Variants in ADAMTS17 observed in about 807,000 individuals in gnomAD.
The protein encoded by ADAMTS17 is A disintegrin and metalloproteinase with thrombospondin motifs 17.
In ADAMTS17, 113 loss-of-function variants were observed where a neutral mutation model predicts 141.5. That is an observed-to-expected ratio of 0.80 (90% CI 0.69 to 0.93). The LOEUF (loss-of-function observed/expected upper bound fraction) is 0.93, where lower values mean the gene tolerates loss of function less well. Among genes scored for constraint, ADAMTS17 ranks in the 40% least tolerant of loss-of-function variants. ADAMTS17 has a pLI of 0.00. For synonymous variants in ADAMTS17, 768 were observed against 630.6 expected, an observed-to-expected ratio of 1.22 and a Z score of -3.27; for missense variants, 1,659 against 1,517.9, an observed-to-expected ratio of 1.09 and a Z score of -1.54.
chr15:100,087,715 T>A (rs910307702), intron 15 of ADAMTS17, among the ~76,000 whole-genome samples: 3 of 152,144 alleles, frequency 2.0e-5, no homozygotes, highest in Non-Finnish European at 2.9e-5. Flanking sequence ...ATCCAGCATA[T>A]AAACAGAACC....
At chr15:100,156,444 G>A (rs966610040) in intron 8 of ADAMTS17, among the ~76,000 whole-genome samples, 7 of 152,174 alleles carry the variant, frequency 4.6e-5, no homozygotes, top group Non-Finnish European at 7.3e-5. Flanking sequence ...GTCCTTTGGA[G>A]GATCCGCTGC....
rs1471382669 is a variant in ADAMTS17, at chr15:99,996,084, C to T, written c.2796+1301G>A. On this transcript the variant is annotated intron_variant, in intron 19 of 21. Coordinates refer to ENST00000268070, the MANE Select transcript of ADAMTS17 (RefSeq NM_139057.4). ...TTTTTTTTTTTTTGAGACAGAGTTT[C>T]GCTCTTGTTGCCCAGGCTGAAGTGC... Among the ~76,000 whole-genome samples the T allele has an allele frequency of 9.6e-5, 14 of 145,124 alleles. No homozygotes were observed. The South Asian group carries it at 2.9e-3, about 30-fold the overall frequency.
At chr15:100,087,228 G>C (rs1393103564) in intron 15 of ADAMTS17, among the ~76,000 whole-genome samples, 1 of 152,144 alleles carries the variant, frequency 6.6e-6, no homozygotes, top group Non-Finnish European at 1.5e-5. Context: ...AAATAAACTA[G>C]AAAATCTAGA....
intron 8 of ADAMTS17, among the ~76,000 whole-genome samples, chr15:100,158,282 A>T: frequency 6.6e-6 from 1 of 152,182 alleles, no homozygotes; most frequent in East Asian, 1.9e-4. Context: ...TTACTTATAC[A>T]CAAGTGCATG....
intron 4 of ADAMTS17, among the ~76,000 whole-genome samples, chr15:100,275,172 G>GTC (rs2044038569): frequency 6.6e-6 from 1 of 152,218 alleles, no homozygotes; most frequent in South Asian, 2.1e-4. Context: ...CACAAGGCAC[G>GTC]TAAGCAGAGC....
chr15:100,329,195 G>A (rs374104065), intron 3 of ADAMTS17, among the ~76,000 whole-genome samples: 4 of 152,090 alleles, frequency 2.6e-5, no homozygotes, highest in South Asian at 4.1e-4. Context: ...CCTCTGTGCC[G>A]GTACGTCAAG....
At chr15:100,108,579 A>G (rs1185078277) in intron 14 of ADAMTS17, among the ~76,000 whole-genome samples, 1 of 152,172 alleles carries the variant, frequency 6.6e-6, no homozygotes, top group Non-Finnish European at 1.5e-5. Flanking sequence ...GCTCCCTGAC[A>G]GCTGGGCGCA....
At chr15:100,107,276 C>T (rs908568264) in intron 14 of ADAMTS17, among the ~76,000 whole-genome samples, 5 of 152,166 alleles carry the variant, frequency 3.3e-5, no homozygotes, top group Non-Finnish European at 7.3e-5. Flanking sequence ...AGAGCATAAG[C>T]AGATCTGCTG....
chr15:100,058,873 C>G (rs1305968802), intron 15 of ADAMTS17, among the ~76,000 whole-genome samples: 1 of 152,196 alleles, frequency 6.6e-6, no homozygotes, highest in African/African-American at 2.4e-5. Flanking sequence ...GAGGCTGCGG[C>G]TGACGGACAA....
intron 15 of ADAMTS17, among the ~76,000 whole-genome samples, chr15:100,090,032 GA>G (rs541030198): frequency 6.7e-6 from 1 of 149,458 alleles, no homozygotes; most frequent in Non-Finnish European, 1.5e-5. Flanking sequence ...AAATAAATTG[GA>G]AAAAAAATTG....
intron 15 of ADAMTS17, among the ~76,000 whole-genome samples, chr15:100,076,797 G>C (rs1156812270): frequency 1.3e-5 from 2 of 152,024 alleles, no homozygotes; most frequent in African/African-American, 2.4e-5. Flanking sequence ...CAAAAACATA[G>C]CATAGTATTT....
At position 100,155,428 on chromosome 15, in the gene ADAMTS17, G is replaced by T. The variant is rs8039417; in HGVS notation, c.1182-108C>A. The T allele has an allele frequency of 0.057, 84,947 of 1,478,202 alleles. 2,642 individuals are homozygous for T. The highest frequency in any genetic ancestry group is 0.081 in the Admixed American group (4,107 of 50,918). The allele number at this position is 1,478,202 out of a possible 1,614,324, so 91.6% of individuals were successfully genotyped here. On this transcript the variant is annotated intron_variant, in intron 8 of 21. Transcript: ENST00000268070. ...TAAATCAAGTCTTAAAAACAAAAAC[G>T]GACGTAACGTGAAAGTGGTTCTCAC...
At chr15:100,146,388 C>T (rs2038904775) in intron 10 of ADAMTS17, among the ~76,000 whole-genome samples, 1 of 152,188 alleles carries the variant, frequency 6.6e-6, no homozygotes, top group African/African-American at 2.4e-5. Context: ...AATCTCTAAA[C>T]ATAAATTGTG....
intron 12 of ADAMTS17, among the ~76,000 whole-genome samples, chr15:100,123,273 T>A (rs1465171497): frequency 6.6e-6 from 1 of 152,164 alleles, no homozygotes; most frequent in South Asian, 2.1e-4. Context: ...TGCTCTGAGC[T>A]ACGCAGTAAG....
chr15:100,208,392 G>GTACC (rs1356999304), intron 7 of ADAMTS17, among the ~76,000 whole-genome samples: 1 of 152,206 alleles, frequency 6.6e-6, no homozygotes, highest in African/African-American at 2.4e-5. Flanking sequence ...AAGGAAGTGG[G>GTACC]TACCTGTGCA....
chr15:100,139,141 G>C (rs1207995457), intron 10 of ADAMTS17, among the ~76,000 whole-genome samples: 1 of 152,110 alleles, frequency 6.6e-6, no homozygotes, highest in Non-Finnish European at 1.5e-5. Context: ...GGGGAAACTA[G>C]ATGAACCTTT....
intron 7 of ADAMTS17, among the ~76,000 whole-genome samples, chr15:100,206,848 T>C (rs2041588930): frequency 6.6e-6 from 1 of 152,190 alleles, no homozygotes; most frequent in South Asian, 2.1e-4. Context: ...CTGAGGTGTG[T>C]GCCTAGAATC....
chr15:100,305,814 AAGACC>A (rs2045204237), intron 3 of ADAMTS17: 1 of 152,418 alleles, frequency 6.6e-6, no homozygotes, highest in Non-Finnish European at 1.5e-5. Flanking sequence ...GGCCCAGTTC[AAGACC>A]AGCCTAGGCA....
intron 7 of ADAMTS17, among the ~76,000 whole-genome samples, chr15:100,247,228 A>G (rs775995859): frequency 6.6e-6 from 1 of 152,150 alleles, no homozygotes; most frequent in Non-Finnish European, 1.5e-5. Context: ...AGCACAGTTG[A>G]AATTTGCCTT....
Sources: allele counts gnomAD v4.1 joint callset (sites outside exome capture counted in the v4.1 genomes callset), GRCh38; gene constraint gnomAD v4.1.1; transcripts MANE v1.5; gene names NCBI Gene and HGNC (gene_info 2026-07-23, HGNC 2026-07-21).